Variants in VAMP4 observed in about 807,000 individuals in gnomAD.
The protein encoded by VAMP4 is vesicle-associated membrane protein 4.
VAMP4 carries 19 observed loss-of-function variants against 23.5 expected under a neutral mutation model. The ratio of observed to expected loss-of-function variants is 0.81; its 90% confidence interval spans 0.56 to 1.19. The LOEUF (loss-of-function observed/expected upper bound fraction) is 1.19. Ranked by LOEUF, VAMP4 falls within the 50% of genes most tolerant of loss-of-function variation. VAMP4 has a pLI of 0.00. For synonymous variants in VAMP4, 31 were observed against 51.0 expected, an observed-to-expected ratio of 0.61 and a Z score of 1.67; for missense variants, 145 against 168.6, an observed-to-expected ratio of 0.86 and a Z score of 0.78.
rs902902950 is a variant in VAMP4, at chr1:171,709,723, G to A, written c.287C>T (p.Thr96Ile). The A allele has an allele frequency of 3.1e-6, 5 of 1,612,988 alleles. No homozygotes were observed. In the South Asian group the frequency reaches 4.4e-5, roughly 14 times the overall value. The change falls in exon 6 of 8, where the codon ACA becomes ATA. Residue 96 changes from threonine (T) to isoleucine (I), a missense_variant. Coordinates refer to ENST00000236192, the MANE Select transcript of VAMP4 (RefSeq NM_003762.5). ...TTGTTTGGATCTGTTGCTAAAAGCT[G>A]TTGCATTATCCGATAAGCTTTCTAT... The part of the protein sequence containing the change: ...DKSESLSDNA[T>I]AFSNRSKQLR...
intron 3 of VAMP4, among the ~76,000 whole-genome samples, chr1:171,719,650 A>T (rs11808099): frequency 6.6e-6 from 1 of 151,934 alleles, no homozygotes; most frequent in South Asian, 2.1e-4. Context: ...GGAAACTACA[A>T]AGTGAACTGC....
chr1:171,737,958 T>G (rs1655794467), intron 2 of VAMP4, among the ~76,000 whole-genome samples: 1 of 146,072 alleles, frequency 6.8e-6, no homozygotes, highest in African/African-American at 2.7e-5. Flanking sequence ...AGCTTTTGAT[T>G]TTTCTGTTGT....
chr1:171,710,831 AC>A lies in VAMP4; in HGVS notation c.165-18del, dbSNP rs760919041. ...TTCTGAACACTAGTTTAAAAAAGAT[AC>A]ACAATTATTTATCCTTCTTTTGAGA... On this transcript the variant is annotated intron_variant, in intron 4 of 7. Transcript: ENST00000236192. 6.5e-7 allele frequency: 1 copy of A among 1,542,852 alleles called. No homozygotes were observed. Among genetic ancestry groups the A allele is most frequent in the Non-Finnish European group, 8.9e-7 (1 of 1,129,166 alleles).
Position 171,704,477 on chromosome 1 carries a change from C to CTTGT in VAMP4, c.*25_*28dup, listed in dbSNP as rs1445435476. The stretch of plus-strand genomic sequence containing the variant: ...GCAATCTTTTATTACTGTCCCAGAT[C>CTTGT]TTGTTTAATGAAGATCTCTGTCATC... On this transcript the variant is annotated 3_prime_UTR_variant, in exon 8 of 8. Coordinates refer to ENST00000236192, the MANE Select transcript of VAMP4 (RefSeq NM_003762.5). 1 of 1,558,728 alleles carries CTTGT rather than the reference C, an allele frequency of 6.4e-7. No individual in the cohort carries two copies. The highest frequency in any genetic ancestry group is 8.7e-7 in the Non-Finnish European group (1 of 1,148,222).
At chr1:171,719,386 A>G (rs555483074) in intron 3 of VAMP4, among the ~76,000 whole-genome samples, 165 bp from the exon 4 acceptor site, 1 of 152,258 alleles carries the variant, frequency 6.6e-6, no homozygotes, top group African/African-American at 2.4e-5. Context: ...GTGAAACTGA[A>G]TAATAGGTAA....
intron 1 of VAMP4, among the ~76,000 whole-genome samples, chr1:171,740,351 A>G (rs947601050): frequency 1.3e-5 from 2 of 152,226 alleles, no homozygotes; most frequent in Admixed American, 6.5e-5. Flanking sequence ...ATAGTTAGAC[A>G]TCAGTTTGTT....
At chr1:171,720,950 A>C (rs1196957843) in intron 3 of VAMP4, among the ~76,000 whole-genome samples, 1 of 152,140 alleles carries the variant, frequency 6.6e-6, no homozygotes, top group Non-Finnish European at 1.5e-5. Flanking sequence ...CAATGTTTTA[A>C]AAGAATAATA....
chr1:171,730,359 A>AT (rs1655522758), intron 2 of VAMP4, among the ~76,000 whole-genome samples: 1 of 152,230 alleles, frequency 6.6e-6, no homozygotes, highest in Non-Finnish European at 1.5e-5. Context: ...ATCTAATACA[A>AT]TGTGTGGTCA....
chr1:171,729,989 A>G (rs548627787), intron 2 of VAMP4, among the ~76,000 whole-genome samples: 1 of 152,310 alleles, frequency 6.6e-6, no homozygotes, highest in East Asian at 1.9e-4. Context: ...ACAGACAGAC[A>G]TTACACTAAT....
At chr1:171,734,668 A>G (rs1334871561) in intron 2 of VAMP4, among the ~76,000 whole-genome samples, 1 of 152,220 alleles carries the variant, frequency 6.6e-6, no homozygotes, top group African/African-American at 2.4e-5. Context: ...AAAACTTTTA[A>G]AAGATTTTAA....
At chr1:171,708,227 C>T (rs190073173) in intron 6 of VAMP4, among the ~76,000 whole-genome samples, 247 of 150,344 alleles carry the variant, frequency 1.6e-3, no homozygotes, top group African/African-American at 5.6e-3. Context: ...TGAACCTGGG[C>T]TACTTAGGAG....
At chr1:171,706,237 C>T in intron 7 of VAMP4, 130 bp downstream of exon 7, 1 of 752,808 alleles carries the variant, frequency 1.3e-6, no homozygotes, top group East Asian at 2.8e-5. Flanking sequence ...CTAAGAGCTC[C>T]TGAGACAGGT....
chr1:171,713,476 C>T lies in VAMP4; in HGVS notation c.165-2662G>A, dbSNP rs546117730. On this transcript the variant is annotated intron_variant, in intron 4 of 7. Transcript: ENST00000236192. ...TCGGGCGCATTCAGGGTGGTATGGC[C>T]GTAGACATTATATATACTTTTAAAA... 2.6e-5 allele frequency among the ~76,000 whole-genome samples: 4 copies of T among 151,902 alleles called. No homozygotes were observed. The South Asian group carries it at 8.3e-4, about 32-fold the overall frequency.
chr1:171,724,112 G>A (rs111608804), intron 3 of VAMP4, among the ~76,000 whole-genome samples: 13,302 of 152,048 alleles, frequency 0.087, 1,000 homozygotes, highest in African/African-American at 0.2. Context: ...AGAAAATGTG[G>A]CACATATACA....
chr1:171,726,648 C>T (rs1655380091), intron 3 of VAMP4, among the ~76,000 whole-genome samples: 1 of 151,792 alleles, frequency 6.6e-6, no homozygotes, highest in African/African-American at 2.4e-5. Context: ...CAAATATATA[C>T]AAAAATTAAC....
At chr1:171,718,081 G>A (rs1655075833) in intron 4 of VAMP4, among the ~76,000 whole-genome samples, 2 of 152,184 alleles carry the variant, frequency 1.3e-5, no homozygotes, top group African/African-American at 4.8e-5. Context: ...TGATAAATGT[G>A]TGTTGTTTTA....
intron 3 of VAMP4, among the ~76,000 whole-genome samples, chr1:171,722,234 C>T (rs1023549475): frequency 6.6e-6 from 1 of 152,096 alleles, no homozygotes; most frequent in Admixed American, 6.6e-5. Flanking sequence ...CCCTTCCTTA[C>T]ACCTTATACA....
chr1:171,724,044 T>C (rs1341990557), intron 3 of VAMP4, among the ~76,000 whole-genome samples: 4 of 152,092 alleles, frequency 2.6e-5, no homozygotes, highest in Non-Finnish European at 5.9e-5. Context: ...TGTGGCACTA[T>C]TCACAATAGC....
intron 5 of VAMP4, 110 bp from the exon 6 acceptor site, chr1:171,709,854 C>A: frequency 1.2e-6 from 1 of 826,246 alleles, no homozygotes; most frequent in Non-Finnish European, 2.0e-6. Context: ...AATTTATTCC[C>A]TTTTAAGCAT....
Sources: gnomAD v4.1 joint callset for allele counts (sites outside exome capture counted in the v4.1 genomes callset) on GRCh38, gnomAD v4.1.1 for gene constraint, MANE v1.5 for transcripts, NCBI Gene and HGNC (gene_info 2026-07-23, HGNC 2026-07-21) for gene names.